Variants in CAST observed in about 807,000 individuals in gnomAD.
The protein encoded by CAST is MIR583 host.
CAST carries 76 observed loss-of-function variants against 119.6 expected under a neutral mutation model. The observed-to-expected ratio is 0.64, with a 90% confidence interval of 0.53 to 0.77. The LOEUF is 0.77. Ranked by LOEUF, CAST falls within the 30% of genes least tolerant of loss-of-function variation. The probability of loss-of-function intolerance (pLI) is 0.00; values close to 1 mark genes in which losing one functional copy is unlikely to be tolerated. For missense variants in CAST, 953 were observed against 946.5 expected, an observed-to-expected ratio of 1.01 and a Z score of -0.09; for synonymous variants, 319 against 331.6, an observed-to-expected ratio of 0.96 and a Z score of 0.41.
rs527597655 is a variant in CAST, at chr5:96,667,609, A to G, written c.75+5112A>G. ...TTGTCATGTCCACTGAAATCTTAAA[A>G]TGTTAGAAAAAACGAACACTTGGGG... On this transcript the variant is annotated intron_variant, in intron 1 of 31. Coordinates refer to ENST00000675179, the MANE Select transcript of CAST (RefSeq NM_001750.7). 1.6e-3 allele frequency among the ~76,000 whole-genome samples: 247 copies of G among 152,362 alleles called. 3 individuals carry two copies. Among genetic ancestry groups the G allele is most frequent in the South Asian group, 0.015 (72 of 4,830 alleles).
the CAST span, among the ~76,000 whole-genome samples, chr5:96,035,265 C>G: frequency 1.3e-5 from 2 of 148,308 alleles, no homozygotes; most frequent in Non-Finnish European, 3.0e-5. Context: ...TAAATACATA[C>G]AGTTTTTTCC....
the CAST span, among the ~76,000 whole-genome samples, chr5:96,234,130 C>T: frequency 2.6e-5 from 4 of 152,264 alleles, no homozygotes; most frequent in South Asian, 8.3e-4. Context: ...ATTTTCCTCT[C>T]AAGTCTTCCA....
At chr5:95,977,344 T>C in the CAST span, among the ~76,000 whole-genome samples, 1 of 152,262 alleles carries the variant, frequency 6.6e-6, no homozygotes. Context: ...GTAAGGTCTC[T>C]AATCCCATCC....
the CAST span, chr5:96,425,781 C>T: frequency 1.8e-6 from 2 of 1,136,742 alleles, no homozygotes; most frequent in Non-Finnish European, 2.7e-6. Context: ...GAAGCCAGGT[C>T]CCAGGTCCCA....
At chr5:96,648,511 A>C (rs1384769372) in intron 1 of CAST, among the ~76,000 whole-genome samples, 1 of 152,118 alleles carries the variant, frequency 6.6e-6, no homozygotes, top group African/African-American at 2.4e-5. Context: ...AAGTTTCAGC[A>C]CTTGAATTAA....
the CAST span, among the ~76,000 whole-genome samples, chr5:96,022,229 A>C: frequency 6.6e-6 from 1 of 152,180 alleles, no homozygotes; most frequent in East Asian, 1.9e-4. Context: ...GGACAACTGT[A>C]CATTTATACC....
intron 1 of CAST, among the ~76,000 whole-genome samples, chr5:96,592,858 G>A (rs1485068366): frequency 6.6e-6 from 1 of 151,736 alleles, no homozygotes; most frequent in Admixed American, 6.6e-5. Flanking sequence ...TCCGCCTCCT[G>A]GGTTCATGCC....
chr5:96,181,158 G>A, the CAST span, among the ~76,000 whole-genome samples: 1 of 152,132 alleles, frequency 6.6e-6, no homozygotes, highest in African/African-American at 2.4e-5. Context: ...AAATGAGCAC[G>A]TTGTTATTTC....
At chr5:96,334,509 G>A in the CAST span, among the ~76,000 whole-genome samples, 11 of 152,132 alleles carry the variant, frequency 7.2e-5, no homozygotes, top group Non-Finnish European at 1.5e-4. Context: ...AACTGTATTG[G>A]AAGGGCCTGG....
intron 1 of CAST, among the ~76,000 whole-genome samples, chr5:96,534,745 GAAAGAAAGAAAGAAAGAA>G (rs1327099554): frequency 3.3e-4 from 7 of 21,310 alleles, no homozygotes; most frequent in African/African-American, 1.0e-3. Flanking sequence ...GAGAGAGAAA[GAAAGAAAGAAAGAAAGAA>G]AGAAAGAAAG....
At chr5:96,233,035 AG>A in the CAST span, among the ~76,000 whole-genome samples, 2 of 152,100 alleles carry the variant, frequency 1.3e-5, no homozygotes. Flanking sequence ...ACAACCCACC[AG>A]TAAGGGAATT....
the CAST span, among the ~76,000 whole-genome samples, chr5:95,992,209 A>G: frequency 1.3e-5 from 2 of 152,222 alleles, no homozygotes; most frequent in African/African-American, 4.8e-5. Context: ...GAATTCTCTA[A>G]ATGGATTTTA....
chr5:96,516,398 T>C, the CAST span, among the ~76,000 whole-genome samples: 8 of 152,186 alleles, frequency 5.3e-5, no homozygotes, highest in Non-Finnish European at 1.2e-4. Flanking sequence ...TTTGGAATAA[T>C]TTCTTACATT....
At chr5:96,367,416 C>T in the CAST span, among the ~76,000 whole-genome samples, 6 of 152,092 alleles carry the variant, frequency 3.9e-5, no homozygotes, top group Non-Finnish European at 7.4e-5. Context: ...TGCCCTGCCA[C>T]CAGAGGTGGA....
At chr5:96,627,072 G>A (rs1264022053) in intron 1 of CAST, among the ~76,000 whole-genome samples, 2 of 152,156 alleles carry the variant, frequency 1.3e-5, no homozygotes, top group Non-Finnish European at 2.9e-5. Flanking sequence ...TACATGTCAA[G>A]GTTAAAAATG....
chr5:96,485,210 A>C, the CAST span, among the ~76,000 whole-genome samples: 10 of 152,178 alleles, frequency 6.6e-5, no homozygotes, highest in Non-Finnish European at 1.3e-4. Flanking sequence ...AGTGTGGATT[A>C]GGGAGTGCTG....
chr5:96,019,336 T>A, the CAST span, among the ~76,000 whole-genome samples: 1 of 152,220 alleles, frequency 6.6e-6, no homozygotes, highest in Non-Finnish European at 1.5e-5. Context: ...TCAGCACGTA[T>A]GATTTCTAAA....
At chr5:96,419,322 TATATAA>T in the CAST span, among the ~76,000 whole-genome samples, 1 of 147,652 alleles carries the variant, frequency 6.8e-6, no homozygotes, top group South Asian at 2.1e-4. Flanking sequence ...TATATATATA[TATATAA>T]AACCTCACTT....
chr5:96,430,827 ATTTG>A, the CAST span, among the ~76,000 whole-genome samples: 7 of 152,158 alleles, frequency 4.6e-5, no homozygotes, highest in African/African-American at 1.7e-4. Context: ...TTCCCCCACT[ATTTG>A]TTAATGCTTT....
Sources: gnomAD v4.1 joint callset for allele counts (sites outside exome capture counted in the v4.1 genomes callset) on GRCh38, gnomAD v4.1.1 for gene constraint, MANE v1.5 for transcripts, NCBI Gene and HGNC (gene_info 2026-07-23, HGNC 2026-07-21) for gene names.